Variants in ARID5B observed in about 807,000 individuals in gnomAD.
The protein encoded by ARID5B is AT-rich interaction domain 5B.
ARID5B carries 13 observed loss-of-function variants against 97.2 expected under a neutral mutation model. The ratio of observed to expected loss-of-function variants is 0.13; its 90% CI spans 0.09 to 0.21. The LOEUF (loss-of-function observed/expected upper bound fraction) is 0.21, where lower values mean the gene tolerates loss of function less well. ARID5B is among the 10% of genes least tolerant of loss of function. The probability of loss-of-function intolerance (pLI) is 1.00; values close to 1 mark genes in which losing one functional copy is unlikely to be tolerated. For missense variants in ARID5B, 1,210 were observed against 1,465.3 expected (o/e 0.83, Z 2.84); for synonymous variants, 556 against 570.3 (o/e 0.97, Z 0.36).
intron 8 of ARID5B, among the ~76,000 whole-genome samples, chr10:62,075,421 C>A (rs1410386633): frequency 3.3e-5 from 5 of 152,228 alleles, no homozygotes; most frequent in Admixed American, 3.3e-4. Context: ...GGCTCTCCAG[C>A]CTCTGATACA....
At chr10:62,015,033 A>G (rs1490268391) in intron 4 of ARID5B, among the ~76,000 whole-genome samples, 2 of 152,140 alleles carry the variant, frequency 1.3e-5, no homozygotes, top group Non-Finnish European at 2.9e-5. Context: ...AATTAGAACA[A>G]CTCATTTCCT....
At chr10:61,918,180 T>C (rs574627314) in intron 2 of ARID5B, among the ~76,000 whole-genome samples, 3 of 152,374 alleles carry the variant, frequency 2.0e-5, no homozygotes, top group Admixed American at 6.5e-5. Flanking sequence ...TGCTGCTGAA[T>C]AAATTCACAT....
At position 61,976,694 on chromosome 10, in the gene ARID5B, G is replaced by A. The variant is rs1838703383; in HGVS notation, c.503-23397G>A. 2.0e-5 allele frequency among the ~76,000 whole-genome samples: 3 copies of A among 152,148 alleles called. No individual in the cohort carries two copies. The South Asian group carries it at 6.2e-4, about 32-fold the overall frequency. ...ATGTTCATTGAGTCAGTGGAAGGTG[G>A]TTTGGAGCATCAACACCCAATAGAC... is the stretch of plus-strand genomic sequence containing the variant. On this transcript the variant is annotated intron_variant, in intron 3 of 9. Coordinates refer to ENST00000279873, the MANE Select transcript of ARID5B (RefSeq NM_032199.3).
chr10:62,027,883 A>G (rs768347360), intron 4 of ARID5B, among the ~76,000 whole-genome samples: 1 of 151,860 alleles, frequency 6.6e-6, no homozygotes, highest in Non-Finnish European at 1.5e-5. Context: ...GATGTTTCTT[A>G]CTCTCACCCT....
rs1183443990 is a variant in ARID5B at position 62,090,911 on chromosome 10, G to T, written c.1448G>T (p.Ser483Ile). 1 of 1,602,180 alleles carries T rather than the reference G, an allele frequency of 6.2e-7. No individual in the cohort carries two copies. The highest frequency in any genetic ancestry group is 8.5e-7 in the Non-Finnish European group (1 of 1,177,118). ...KEQETLISQKSIPEPLPAADM... is the reference protein window; with the variant it reads ...KEQETLISQKIIPEPLPAADM... ...CAAGAGACTTTAATAAGCCAGAAAA[G>T]CATCCCTGAGCCTCTCCCAGCAGCA... The change falls in exon 10 of 10, where the codon AGC (serine) becomes ATC (isoleucine). Residue 483 changes from serine (S) to isoleucine (I), a missense_variant. Physicochemically the swap from Ser to Ile is moderately radical, Grantham distance 142 (BLOSUM62 -2). Around this residue, in one of 8 missense-constraint regions of ARID5B, gnomAD observed 800 missense variants for 839.1 expected, o/e 0.95. Coordinates refer to ENST00000279873, the MANE Select transcript of ARID5B (RefSeq NM_032199.3).
intron 1 of ARID5B, among the ~76,000 whole-genome samples, 180 bp from the exon 2 acceptor site, chr10:61,901,979 T>C (rs1489284481): frequency 6.6e-6 from 1 of 151,218 alleles, no homozygotes; most frequent in African/African-American, 2.4e-5. Flanking sequence ...CTGAGTTTTT[T>C]TTTTTTTTTT....
chr10:62,033,324 G>A (rs1011773506), intron 4 of ARID5B, among the ~76,000 whole-genome samples: 2 of 152,162 alleles, frequency 1.3e-5, no homozygotes, highest in Admixed American at 6.5e-5. Flanking sequence ...TCCTGTTGAG[G>A]CACACTTTAC....
At chr10:62,045,723 G>A (rs1839699273) in intron 4 of ARID5B, among the ~76,000 whole-genome samples, 1 of 152,102 alleles carries the variant, frequency 6.6e-6, no homozygotes, top group South Asian at 2.1e-4. Context: ...TGCCCAGCCA[G>A]TATTTTAAGA....
Position 62,093,017 on chromosome 10 carries a change from G to A in ARID5B, c.3554G>A (p.Ser1185Asn). The A allele has an allele frequency of 1.9e-6, 3 of 1,607,132 alleles. No individual in the cohort carries two copies. The highest frequency in any genetic ancestry group is 2.5e-6 in the Non-Finnish European group (3 of 1,178,272). The change falls in exon 10 of 10, where the codon AGT becomes AAT. Residue 1185 changes from serine to asparagine, a missense_variant. Around this residue, in one of 8 missense-constraint regions of ARID5B, gnomAD observed 54 missense variants for 67.4 expected, o/e 0.80. Transcript: ENST00000279873. ...TCCCAGCTGTCATCCGTGCACCCCA[G>A]TACAAAACTGTAGGCTCAGCTCTGC... ...PSSQLSSVHP[S>N]TKL is the part of the protein sequence containing the mutation.
intron 3 of ARID5B, among the ~76,000 whole-genome samples, chr10:61,954,401 T>G (rs1838363860): frequency 1.3e-5 from 2 of 152,028 alleles, no homozygotes; most frequent in Admixed American, 1.3e-4. Context: ...TAAAATTATA[T>G]ATATAAATTT....
At chr10:61,912,240 G>A (rs1045820650) in intron 2 of ARID5B, among the ~76,000 whole-genome samples, 1 of 152,134 alleles carries the variant, frequency 6.6e-6, no homozygotes, top group Admixed American at 6.5e-5. Context: ...TCTTAAGGGA[G>A]GAATATGTTT....
intron 5 of ARID5B, among the ~76,000 whole-genome samples, chr10:62,054,466 G>A (rs1401109867): frequency 6.6e-6 from 1 of 152,026 alleles, no homozygotes; most frequent in African/African-American, 2.4e-5. Context: ...TAAGTACCTG[G>A]CCTCCCCAGG....
rs544165955 is a variant in ARID5B at position 61,972,666 on chromosome 10, G to A, written c.503-27425G>A. Among the ~76,000 whole-genome samples, 8 of 152,122 alleles carry A rather than the reference G, an allele frequency of 5.3e-5. No individual in the cohort carries two copies. In the South Asian group the frequency reaches 1.7e-3, roughly 32 times the overall value. ...TTATCTGACTATCCCCCTATTGCTG[G>A]ACTTTGGGTTTTTTCCTCCAGCTTT... On this transcript the variant is annotated intron_variant, in intron 3 of 9. Transcript: ENST00000279873.
chr10:62,001,843 G>T (rs559555806), intron 4 of ARID5B, among the ~76,000 whole-genome samples: 4 of 152,216 alleles, frequency 2.6e-5, no homozygotes, highest in African/African-American at 9.6e-5. Context: ...CTTCTTCAAA[G>T]AAATTTATTT....
rs747795902 is a variant in ARID5B at position 62,091,082 on chromosome 10, C to G, written c.1619C>G (p.Pro540Arg). 3.1e-6 allele frequency: 5 copies of G among 1,613,988 alleles called. No individual in the cohort carries two copies. The highest frequency in any genetic ancestry group is 4.2e-6 in the Non-Finnish European group (5 of 1,179,958). Residue 540 changes from proline (P) to arginine (R), a missense_variant, in exon 10 of 10, where the codon CCT becomes CGT. This residue lies in a region of ARID5B where 800 missense variants were observed against 839.1 expected (regional missense o/e 0.95). Coordinates refer to ENST00000279873, the MANE Select transcript of ARID5B (RefSeq NM_032199.3). ...AEEAGEKGPT[P>R]PLPSAPLAPE... ...GAGGCGGGAGAGAAGGGGCCCACACCTCCACTCCCAAGTGCTCCTCTGGCC... is the reference window on the plus strand; with the variant it reads ...GAGGCGGGAGAGAAGGGGCCCACACGTCCACTCCCAAGTGCTCCTCTGGCC...
intron 4 of ARID5B, among the ~76,000 whole-genome samples, chr10:62,011,039 T>C (rs1376858096): frequency 6.6e-6 from 1 of 152,190 alleles, no homozygotes; most frequent in African/African-American, 2.4e-5. Context: ...AACTCCTTGG[T>C]AGATGGTACT....
intron 8 of ARID5B, 74 bp downstream of exon 8, chr10:62,069,871 CAG>C: frequency 6.9e-7 from 1 of 1,442,370 alleles, no homozygotes; most frequent in Non-Finnish European, 9.6e-7. Flanking sequence ...AAGGATAAGA[CAG>C]AGGAAGTCTA....
At chr10:62,007,620 T>C (rs894681137) in intron 4 of ARID5B, among the ~76,000 whole-genome samples, 1 of 152,168 alleles carries the variant, frequency 6.6e-6, no homozygotes, top group East Asian at 1.9e-4. Context: ...ATTGTTAACC[T>C]ACCCTTCTTG....
chr10:61,959,030 G>A (rs1838433347), intron 3 of ARID5B, among the ~76,000 whole-genome samples: 1 of 152,196 alleles, frequency 6.6e-6, no homozygotes, highest in Non-Finnish European at 1.5e-5. Context: ...AGCTCAGAAT[G>A]TTAATAATTT....
Sources: gnomAD v4.1 joint callset for allele counts (sites outside exome capture counted in the v4.1 genomes callset) on GRCh38, gnomAD v4.1.1 for gene constraint, gnomAD v4.1.1 regional missense constraint, MANE v1.5 for transcripts, NCBI Gene and HGNC (gene_info 2026-07-23, HGNC 2026-07-21) for gene names.